Variants in RBM24 observed in about 807,000 individuals in gnomAD.
RBM24 encodes RNA binding motif protein 24.
In RBM24, 5 loss-of-function variants were observed where a neutral mutation model predicts 23.6. The observed-to-expected ratio is 0.21, with a 90% CI of 0.11 to 0.45. The LOEUF (loss-of-function observed/expected upper bound fraction) is 0.45. Among genes scored for constraint, RBM24 ranks in the 20% least tolerant of loss-of-function variants. The pLI is 0.99. For synonymous variants in RBM24, 151 were observed against 129.5 expected, an observed-to-expected ratio of 1.17 and a Z score of -1.13; for missense variants, 252 against 314.6, an observed-to-expected ratio of 0.80 and a Z score of 1.51.
intron 3 of RBM24, among the ~76,000 whole-genome samples, chr6:17,286,158 G>A (rs961171270): frequency 6.6e-6 from 1 of 150,446 alleles, no homozygotes; most frequent in South Asian, 2.1e-4. Flanking sequence ...TAACATATCG[G>A]TACCTCACTG....
rs552369365 is a variant in RBM24, at chr6:17,292,217, T to TAA, written c.*108_*109dup. ...AGAGTTAACATTGACTTAACAGCTT[T>TAA]AAAAAAAAAAACAGCCATGCTATTG... On this transcript the variant is annotated 3_prime_UTR_variant, in exon 4 of 4. Transcript: ENST00000379052. 690 of 873,588 alleles carry TAA rather than the reference T, an allele frequency of 7.9e-4. No homozygotes were observed. The highest frequency in any genetic ancestry group is 5.5e-3 in the East Asian group (171 of 31,068). The allele number at this position is 873,588 out of a possible 1,614,324, so 54.1% of individuals were successfully genotyped here. A position where few individuals can be genotyped will look rare whatever the true frequency, so the allele number is the denominator to read the frequency against.
At chr6:17,283,043 G>A in intron 2 of RBM24, 115 bp downstream of exon 2, 1 of 714,506 alleles carries the variant, frequency 1.4e-6, no homozygotes, top group Non-Finnish European at 2.4e-6. Context: ...TAGTAAACTT[G>A]AACCATGGCT....
intron 3 of RBM24, 88 bp from the exon 4 acceptor site, chr6:17,291,668 C>A: frequency 7.2e-7 from 1 of 1,398,172 alleles, no homozygotes; most frequent in Non-Finnish European, 9.8e-7. Flanking sequence ...TCATAATAAC[C>A]ACTAAATTTG....
chr6:17,282,946 C>T lies in RBM24; in HGVS notation c.292+18C>T. On this transcript the variant is annotated intron_variant, in intron 2 of 3. Transcript: ENST00000379052. ...GCAACCAGGTGAGAAATGTCTGTCT[C>T]CCCTACCCCCCTCTCCAAGAACCCC... The T allele has an allele frequency of 6.4e-7, 1 of 1,573,460 alleles. No homozygotes were observed. The highest frequency in any genetic ancestry group is 8.7e-7 in the Non-Finnish European group (1 of 1,143,862).
At chr6:17,290,809 T>G in intron 3 of RBM24, 2 of 1,262,390 alleles carry the variant, frequency 1.6e-6, no homozygotes, top group Non-Finnish European at 1.0e-6. Flanking sequence ...TCCCTCAACC[T>G]CATCATTTCC....
chr6:17,292,616 A>C lies in RBM24; in HGVS notation c.*497A>C, dbSNP rs1419485353. 6.5e-6 allele frequency: 1 copy of C among 152,746 alleles called. No homozygotes were observed. Among genetic ancestry groups the C allele is most frequent in the African/African-American group, 2.4e-5 (1 of 41,442 alleles). The allele number at this position is 152,746 out of a possible 1,614,324, so 9.5% of individuals were successfully genotyped here. A position where few individuals can be genotyped will look rare whatever the true frequency, so the allele number is the denominator to read the frequency against. ...TTAGCAGTCACTTAAGGCCTATAGA[A>C]CTTTTTTCAAGTCGGAAGGTCCTGT... On this transcript the variant is annotated 3_prime_UTR_variant, in exon 4 of 4. Coordinates refer to ENST00000379052, the MANE Select transcript of RBM24 (RefSeq NM_001143942.2).
intron 1 of RBM24, 105 bp from the exon 2 acceptor site, chr6:17,282,700 T>G: frequency 1.3e-6 from 2 of 1,488,262 alleles, no homozygotes; most frequent in Non-Finnish European, 1.8e-6. Flanking sequence ...AAAAAAAGTT[T>G]GATCTCAGTT....
chr6:17,282,732 T>G, intron 1 of RBM24, 73 bp from the exon 2 acceptor site: 1 of 1,591,906 alleles, frequency 6.3e-7, no homozygotes, highest in Non-Finnish European at 8.6e-7. Flanking sequence ...GACTTCTCCA[T>G]TGTGATTCTT....
chr6:17,281,851 C>A lies in RBM24; in HGVS notation c.168+102C>A. On this transcript the variant is annotated intron_variant, in intron 1 of 3. Transcript: ENST00000379052. The surrounding 1 kb of genome is among the most constrained non-coding windows in gnomAD (Gnocchi z 7.1). Reference sequence around the variant, plus strand: ...GGGCTCGGCGTGACCCGTGAGGAGCCCCGCGGGTAGAGCGGCGCTGCCCCT... The same window carrying A: ...GGGCTCGGCGTGACCCGTGAGGAGCACCGCGGGTAGAGCGGCGCTGCCCCT... 1 of 1,445,586 alleles carries A rather than the reference C, an allele frequency of 6.9e-7. No homozygotes were observed. The highest frequency in any genetic ancestry group is 2.2e-5 in the Admixed American group (1 of 44,628). The allele number at this position is 1,445,586 out of a possible 1,614,324, so 89.5% of individuals were successfully genotyped here.
intron 3 of RBM24, chr6:17,289,085 A>T (rs1224657961): frequency 9.1e-6 from 9 of 985,374 alleles, no homozygotes; most frequent in Non-Finnish European, 1.1e-5. Flanking sequence ...GAAAATTACC[A>T]AAAGTGTCTT....
chr6:17,283,011 T>A, intron 2 of RBM24, 83 bp downstream of exon 2: 1 of 939,224 alleles, frequency 1.1e-6, no homozygotes, highest in African/African-American at 1.6e-5. Context: ...TAGAAGACAT[T>A]GTCTCTTTCT....
intron 2 of RBM24, 40 bp downstream of exon 2, chr6:17,282,968 C>T (rs779389585): frequency 3.4e-6 from 5 of 1,450,072 alleles, no homozygotes; most frequent in South Asian, 2.3e-5. Flanking sequence ...TCTCCAAGAA[C>T]CCCCCATTTA....
At chr6:17,282,010 A>C in intron 1 of RBM24, 1 of 1,333,612 alleles carries the variant, frequency 7.5e-7, no homozygotes, top group Non-Finnish European at 9.7e-7. Flanking sequence ...GAGACCTGTA[A>C]TGACGGCGGG....
intron 1 of RBM24, chr6:17,282,535 C>A: frequency 3.8e-6 from 2 of 529,338 alleles, no homozygotes; most frequent in South Asian, 4.0e-5. Context: ...CCTACTAACA[C>A]CCTTAAGATT....
rs904965989 is a variant in RBM24, at chr6:17,292,355, A to G, written c.*236A>G. The stretch of plus-strand genomic sequence containing the variant: ...AAATCAATCCCAAAGAGCCTGAGTA[A>G]ATGAAAGGCCACTACGAAATGACGC... On this transcript the variant is annotated 3_prime_UTR_variant, in exon 4 of 4. Transcript: ENST00000379052. 6.2e-6 allele frequency: 2 copies of G among 323,220 alleles called. No homozygotes were observed. The highest frequency in any genetic ancestry group is 1.1e-5 in the Non-Finnish European group (2 of 179,502). 20.0% of individuals were successfully genotyped at this position (323,220 alleles called of 1,614,324 possible). A position where few individuals can be genotyped will look rare whatever the true frequency, so the allele number is the denominator to read the frequency against.
At chr6:17,282,607 C>CG in intron 1 of RBM24, 198 bp from the exon 2 acceptor site, 2 of 166,906 alleles carry the variant, frequency 1.2e-5, no homozygotes, top group South Asian at 3.6e-5. Context: ...TTCGTCTACC[C>CG]GCCCCCCCCC....
At position 17,291,814 on chromosome 6, in the gene RBM24, C is replaced by T. The variant is rs1760368065; in HGVS notation, c.406C>T (p.His136Tyr). ...AFVQPGVVIPHVQPTAAAAST... is the reference protein window; with the variant it reads ...AFVQPGVVIPYVQPTAAAAST... ...TGTGCAGCCGGGAGTGGTCATTCCA[C>T]ACGTCCAGCCGACAGCAGCTGCCGC... The change falls in exon 4 of 4, where the codon CAC becomes TAC. Residue 136 changes from histidine (H) to tyrosine (Y), a missense_variant. Physicochemically the swap from His to Tyr is moderately conservative, Grantham distance 83. Coordinates refer to ENST00000379052, the MANE Select transcript of RBM24 (RefSeq NM_001143942.2). The T allele has an allele frequency of 1.2e-6, 2 of 1,614,104 alleles. No individual in the cohort carries two copies. Among genetic ancestry groups the T allele is most frequent in the Non-Finnish European group, 1.7e-6 (2 of 1,179,982 alleles).
chr6:17,288,414 T>C (rs752380057), intron 3 of RBM24: 14 of 985,052 alleles, frequency 1.4e-5, no homozygotes, highest in East Asian at 1.1e-4. Context: ...AACTCTTTTA[T>C]TGAGTGCCTA....
Position 17,281,804 on chromosome 6 carries a change from G to A in RBM24, c.168+55G>A. The A allele has an allele frequency of 6.5e-7, 1 of 1,537,442 alleles. No individual in the cohort carries two copies. The highest frequency in any genetic ancestry group is 8.8e-7 in the Non-Finnish European group (1 of 1,138,414). On this transcript the variant is annotated intron_variant, in intron 1 of 3. Coordinates refer to ENST00000379052, the MANE Select transcript of RBM24 (RefSeq NM_001143942.2). This position sits in a 1 kb window ranked among gnomAD's most constrained non-coding sequence, Gnocchi z 7.1. ...AGGGACGGAGTGGCGGCTGACCCCG[G>A]GGATCGGGAGCTTGGAGTGAGGGGC...
Sources: allele counts gnomAD v4.1 joint callset (sites outside exome capture counted in the v4.1 genomes callset), GRCh38; gene constraint gnomAD v4.1.1; non-coding constraint Gnocchi (gnomAD v3.1); transcripts MANE v1.5; gene names NCBI Gene and HGNC (gene_info 2026-07-23, HGNC 2026-07-21).